PEBP4: variants seen among roughly 807,000 people sequenced by gnomAD.
PEBP4 encodes phosphatidylethanolamine binding protein 4.
In PEBP4, 22 loss-of-function variants were observed where a neutral mutation model predicts 23.9. The ratio of observed to expected loss-of-function variants is 0.92; its 90% CI spans 0.66 to 1.31. The LOEUF is 1.31. PEBP4 is among the 40% of genes most tolerant of loss of function. The pLI, the probability that PEBP4 is intolerant of heterozygous loss-of-function variation, is 0.00. For missense variants in PEBP4, 324 were observed against 281.7 expected, an observed-to-expected ratio of 1.15 and a Z score of -1.07; for synonymous variants, 112 against 99.3, an observed-to-expected ratio of 1.13 and a Z score of -0.76.
chr8:22,763,497 C>T (rs752085384), intron 4 of PEBP4, among the ~76,000 whole-genome samples: 11 of 152,100 alleles, frequency 7.2e-5, no homozygotes, highest in Admixed American at 6.5e-5. Flanking sequence ...CGTGTAGCTT[C>T]GAATCTTGCA....
intron 4 of PEBP4, among the ~76,000 whole-genome samples, chr8:22,787,194 T>C (rs73553834): frequency 0.039 from 5,901 of 152,214 alleles, 398 homozygotes; most frequent in African/African-American, 0.13. Context: ...TGGGTTCCTC[T>C]AGGAACACTA....
intron 4 of PEBP4, among the ~76,000 whole-genome samples, chr8:22,772,495 T>C (rs34300995): frequency 8.2e-4 from 78 of 95,450 alleles, no homozygotes; most frequent in East Asian, 1.6e-3. Flanking sequence ...CTCTCTCTCT[T>C]TTTTTTTTTT....
chr8:22,882,506 GC>G (rs1808284084), intron 3 of PEBP4, among the ~76,000 whole-genome samples: 1 of 152,188 alleles, frequency 6.6e-6, no homozygotes, highest in South Asian at 2.1e-4. Context: ...ATGCTACCAT[GC>G]CCTATTTTGA....
At chr8:22,929,032 C>A (rs191901918), upstream of PEBP4, among the ~76,000 whole-genome samples, 612 of 152,300 alleles carry the variant, frequency 4.0e-3, 2 homozygotes, top group African/African-American at 0.014. Context: ...CTTGCCCCAA[C>A]CAGAAAACAT....
chr8:22,920,046 T>C, intron 3 of PEBP4, 138 bp downstream of exon 3: 1 of 1,044,072 alleles, frequency 9.6e-7, no homozygotes. Flanking sequence ...CACAACTTTA[T>C]GGCAACAGCC....
intron 3 of PEBP4, among the ~76,000 whole-genome samples, chr8:22,828,066 T>C (rs899945431): frequency 2.0e-5 from 3 of 152,254 alleles, no homozygotes; most frequent in African/African-American, 7.2e-5. Context: ...AATTGGATTA[T>C]TTATCTTCTA....
intron 4 of PEBP4, among the ~76,000 whole-genome samples, chr8:22,780,202 A>C (rs1024329676): frequency 6.6e-6 from 1 of 152,098 alleles, no homozygotes; most frequent in Non-Finnish European, 1.5e-5. Flanking sequence ...AAGCTCAAGC[A>C]ATCTGCCCAC....
upstream of PEBP4, among the ~76,000 whole-genome samples, chr8:22,931,724 C>T (rs567350540): frequency 6.6e-6 from 1 of 152,290 alleles, no homozygotes; most frequent in Admixed American, 6.5e-5. Context: ...GCTGGGATTA[C>T]AGGCACGCAC....
intron 3 of PEBP4, among the ~76,000 whole-genome samples, chr8:22,839,269 T>G (rs748658777): frequency 6.6e-6 from 1 of 151,804 alleles, no homozygotes; most frequent in Non-Finnish European, 1.5e-5. Context: ...CCAGTTGAGG[T>G]GGGTGGAGCC....
chr8:22,798,711 TTTTTC>T (rs140607638), intron 4 of PEBP4: 26,436 of 139,434 alleles, frequency 0.19, 2,935 homozygotes, highest in South Asian at 0.29. Context: ...CATAAATTTT[TTTTTC>T]TTTTCTTTTT....
At chr8:22,760,730 T>G (rs1360433455) in intron 4 of PEBP4, among the ~76,000 whole-genome samples, 2 of 152,140 alleles carry the variant, frequency 1.3e-5, no homozygotes, top group African/African-American at 4.8e-5. Flanking sequence ...TAGCAAGTGC[T>G]TCAGACATGG....
chr8:22,859,685 C>T (rs537768480), intron 3 of PEBP4, among the ~76,000 whole-genome samples: 3 of 152,272 alleles, frequency 2.0e-5, no homozygotes, highest in South Asian at 2.1e-4. Context: ...CTCCCTGACA[C>T]GGCATTTGAG....
intron 3 of PEBP4, among the ~76,000 whole-genome samples, chr8:22,893,440 G>A (rs1248166343): frequency 6.6e-6 from 1 of 152,110 alleles, no homozygotes; most frequent in East Asian, 1.9e-4. Context: ...CAGGAAAATA[G>A]AAACCATAAC....
upstream of PEBP4, among the ~76,000 whole-genome samples, chr8:22,930,816 G>C (rs568481665): frequency 6.6e-6 from 1 of 152,034 alleles, no homozygotes; most frequent in Admixed American, 6.5e-5. Context: ...TCAAGCTTGC[G>C]GAGTGACAAT....
intron 3 of PEBP4, among the ~76,000 whole-genome samples, chr8:22,840,057 T>G (rs553183808): frequency 3.3e-5 from 5 of 152,124 alleles, no homozygotes; most frequent in Non-Finnish European, 7.4e-5. Flanking sequence ...GTTGGGGAAA[T>G]TTTTTTCTGT....
At chr8:22,893,694 T>C (rs977450618) in intron 3 of PEBP4, among the ~76,000 whole-genome samples, 5 of 152,026 alleles carry the variant, frequency 3.3e-5, no homozygotes, top group Non-Finnish European at 7.4e-5. Flanking sequence ...AGGTTAACTA[T>C]ACAGAATAAG....
At chr8:22,851,948 C>CG (rs1563237331) in intron 3 of PEBP4, among the ~76,000 whole-genome samples, 1 of 152,088 alleles carries the variant, frequency 6.6e-6, no homozygotes, top group African/African-American at 2.4e-5. Context: ...AGCTGAGCCA[C>CG]GGGCCAGCTG....
intron 3 of PEBP4, chr8:22,878,283 T>C (rs1808170746): frequency 6.6e-6 from 1 of 150,608 alleles, no homozygotes; most frequent in African/African-American, 2.5e-5. Context: ...TTAGAGAATA[T>C]AGTAGGGGAC....
intron 4 of PEBP4, among the ~76,000 whole-genome samples, chr8:22,781,206 C>T (rs924306224): frequency 6.6e-6 from 1 of 152,218 alleles, no homozygotes; most frequent in Admixed American, 6.5e-5. Context: ...CCTGTCCTGC[C>T]CACCACGTTT....
Sources: gnomAD v4.1 joint callset for allele counts (sites outside exome capture counted in the v4.1 genomes callset) on GRCh38, gnomAD v4.1.1 for gene constraint, MANE v1.5 for transcripts, NCBI Gene and HGNC (gene_info 2026-07-23, HGNC 2026-07-21) for gene names.